Variants in DNAJC19 observed in about 807,000 individuals in gnomAD.
The protein encoded by DNAJC19 is mitochondrial import inner membrane translocase subunit TIM14.
A neutral mutation model predicts 19.8 loss-of-function variants in DNAJC19; 15 were observed. The observed-to-expected ratio is 0.76, with a 90% CI of 0.51 to 1.17. The LOEUF is 1.17. Ranked by LOEUF, DNAJC19 falls within the 50% of genes most tolerant of loss-of-function variation. The pLI is 0.00. For missense variants in DNAJC19, 105 were observed against 140.9 expected (o/e 0.75, Z 1.29); for synonymous variants, 38 against 42.1 (o/e 0.90, Z 0.38).
chr3:180,986,574 G>A (rs544783870), intron 4 of DNAJC19: 12 of 210,176 alleles, frequency 5.7e-5, no homozygotes, highest in South Asian at 4.0e-4. Context: ...GAGTCACCGC[G>A]CCCGGTTGAA....
chr3:180,989,438 C>T, intron 1 of DNAJC19, 162 bp downstream of exon 1: 1 of 1,475,426 alleles, frequency 6.8e-7, no homozygotes, highest in Non-Finnish European at 9.0e-7. Flanking sequence ...AGAGAGCGAG[C>T]CAACAGGGTT....
intron 5 of DNAJC19, among the ~76,000 whole-genome samples, chr3:180,985,058 AT>A (rs1307467563): frequency 1.3e-5 from 2 of 152,156 alleles, no homozygotes; most frequent in Non-Finnish European, 2.9e-5. Context: ...CAGGTCATAA[AT>A]GAACATCAAT....
At chr3:180,984,786 C>A (rs1714814776) in intron 5 of DNAJC19, 76 bp from the exon 6 acceptor site, 1 of 1,057,530 alleles carries the variant, frequency 9.5e-7, no homozygotes. Flanking sequence ...ACTCTTGTTT[C>A]AAGGACTCCA....
At chr3:180,984,859 C>T (rs574596398) in intron 5 of DNAJC19, 149 bp from the exon 6 acceptor site, 2 of 587,722 alleles carry the variant, frequency 3.4e-6, no homozygotes, top group South Asian at 4.3e-5. Context: ...AACCCTGACA[C>T]TGCAACTGGA....
intron 3 of DNAJC19, 87 bp from the exon 4 acceptor site, chr3:180,987,109 AAAAACT>A (rs1355437720): frequency 8.4e-7 from 1 of 1,195,912 alleles, no homozygotes; most frequent in Admixed American, 1.8e-5. Flanking sequence ...CAGAACTAAG[AAAAACT>A]AAGACATTTC....
At chr3:180,988,825 A>AC (rs752382269) in intron 1 of DNAJC19, among the ~76,000 whole-genome samples, 73 of 147,944 alleles carry the variant, frequency 4.9e-4, no homozygotes, top group Non-Finnish European at 7.6e-4. Context: ...CCATGGTGAA[A>AC]CCCCGTCTCT....
Position 180,984,630 on chromosome 3 carries a change from T to A in DNAJC19, c.*10A>T. ...ACTAATACGAACTTAAAATTCATCA[T>A]ACATTTACTTCATTTTTTAGCTTGA... is the stretch of plus-strand genomic sequence containing the variant. On this transcript the variant is annotated 3_prime_UTR_variant, in exon 6 of 6. Transcript: ENST00000382564. 1 of 1,584,220 alleles carries A rather than the reference T, an allele frequency of 6.3e-7. No homozygotes were observed. The highest frequency in any genetic ancestry group is 8.6e-7 in the Non-Finnish European group (1 of 1,157,280).
At position 180,988,183 on chromosome 3, in the gene DNAJC19, A is replaced by G; in HGVS notation, c.50T>C (p.Phe17Ser). The change falls in exon 2 of 6, where the codon TTT becomes TCT. Residue 17 changes from phenylalanine to serine, a missense_variant. Coordinates refer to ENST00000382564, the MANE Select transcript of DNAJC19 (RefSeq NM_145261.4). ...TCCCCAAACCATAAACAAACCTGCAAATCCTGCAGCAGCAATGGTCAGTCC... is the reference window on the plus strand; with the variant it reads ...TCCCCAAACCATAAACAAACCTGCAGATCCTGCAGCAGCAATGGTCAGTCC... ...AVGLTIAAAG[F>S]AGRYVLQAMK... 6.2e-7 allele frequency: 1 copy of G among 1,614,128 alleles called. No individual in the cohort carries two copies. Among genetic ancestry groups the G allele is most frequent in the Non-Finnish European group, 8.5e-7 (1 of 1,180,034 alleles).
At chr3:180,989,386 G>A (rs1257064668) in intron 1 of DNAJC19, 4 of 1,434,190 alleles carry the variant, frequency 2.8e-6, no homozygotes, top group Non-Finnish European at 2.7e-6. Flanking sequence ...ACAAGAAGCT[G>A]GAGAACCGTG....
At chr3:180,987,894 C>A in intron 3 of DNAJC19, 129 bp downstream of exon 3, 1 of 1,106,828 alleles carries the variant, frequency 9.0e-7, no homozygotes, top group Non-Finnish European at 1.4e-6. Flanking sequence ...TCTATACTCT[C>A]CTTGCAGGAA....
At chr3:180,986,301 T>G (rs952167795) in intron 4 of DNAJC19, among the ~76,000 whole-genome samples, 16 of 151,490 alleles carry the variant, frequency 1.1e-4, no homozygotes, top group South Asian at 2.1e-4. Flanking sequence ...TTTTTTTTTT[T>G]GAGATAGTCT....
At chr3:180,984,856 A>C in intron 5 of DNAJC19, 146 bp from the exon 6 acceptor site, 1 of 593,142 alleles carries the variant, frequency 1.7e-6, no homozygotes, top group East Asian at 2.9e-5. Flanking sequence ...AATAACCCTG[A>C]CACTGCAACT....
chr3:180,989,513 C>G (rs1715107543), intron 1 of DNAJC19, 87 bp downstream of exon 1: 1 of 1,551,538 alleles, frequency 6.4e-7, no homozygotes, highest in Non-Finnish European at 8.7e-7. Context: ...CTAAGGAGCA[C>G]AACTTCAACT....
chr3:180,987,895 C>T, intron 3 of DNAJC19, 128 bp downstream of exon 3: 1 of 1,131,276 alleles, frequency 8.8e-7, no homozygotes, highest in Non-Finnish European at 1.3e-6. Context: ...CTATACTCTC[C>T]TTGCAGGAAG....
intron 3 of DNAJC19, chr3:180,987,607 T>C: frequency 3.3e-6 from 1 of 303,788 alleles, no homozygotes; most frequent in South Asian, 3.2e-5. Context: ...AGCCAAACCC[T>C]ATAGCCTAAT....
intron 5 of DNAJC19, among the ~76,000 whole-genome samples, 190 bp from the exon 6 acceptor site, chr3:180,984,900 AT>A (rs1714821082): frequency 6.6e-6 from 1 of 152,160 alleles, no homozygotes; most frequent in East Asian, 1.9e-4. Context: ...TATGTGACCA[AT>A]GAGAAATGAA....
intron 3 of DNAJC19, chr3:180,987,820 C>A: frequency 1.6e-6 from 1 of 637,900 alleles, no homozygotes; most frequent in East Asian, 2.9e-5. Flanking sequence ...GTCAAAACCC[C>A]ATCCAACTCT....
At position 180,988,333 on chromosome 3, in the gene DNAJC19, G is replaced by A. The variant is rs184664065; in HGVS notation, c.4-104C>T. ...CTCATTACAAACTGCATTTTAATAG[G>A]AGAAACAACTTTTTTTTTTCTTTTT... is the stretch of plus-strand genomic sequence containing the variant. On this transcript the variant is annotated intron_variant, in intron 1 of 5. Transcript: ENST00000382564. 1.5e-5 allele frequency: 18 copies of A among 1,213,886 alleles called. No individual in the cohort carries two copies. In the East Asian group the frequency reaches 3.2e-4, roughly 22 times the overall value. The allele number at this position is 1,213,886 out of a possible 1,614,324, so 75.2% of individuals were successfully genotyped here.
chr3:180,985,571 G>A (rs948582313), intron 5 of DNAJC19: 4 of 245,810 alleles, frequency 1.6e-5, no homozygotes, highest in African/African-American at 6.8e-5. Flanking sequence ...TATCACAAAC[G>A]AATAAATAAA....
Sources: allele counts gnomAD v4.1 joint callset (sites outside exome capture counted in the v4.1 genomes callset), GRCh38; gene constraint gnomAD v4.1.1; transcripts MANE v1.5; gene names NCBI Gene and HGNC (gene_info 2026-07-23, HGNC 2026-07-21).